The following MINK1 variants were observed in gnomAD, a reference collection of about 807,000 sequenced individuals.
MINK1 encodes the protein misshapen-like kinase 1.
Under a neutral mutation model 178.4 loss-of-function variants are expected in MINK1, and 46 were observed. The ratio of observed to expected loss-of-function variants is 0.26; its 90% confidence interval spans 0.20 to 0.33. The LOEUF (loss-of-function observed/expected upper bound fraction) is 0.33, where lower values mean the gene tolerates loss of function less well. Ranked by LOEUF, MINK1 falls within the 10% of genes least tolerant of loss-of-function variation. The probability of loss-of-function intolerance (pLI) is 1.00; values close to 1 mark genes in which losing one functional copy is unlikely to be tolerated. For missense variants in MINK1, 1,366 were observed against 1,814.9 expected (o/e 0.75, Z 4.49); for synonymous variants, 797 against 709.7 (o/e 1.12, Z -1.96).
intron 1 of MINK1, chr17:4,859,274 A>C: frequency 5.1e-6 from 5 of 985,396 alleles, no homozygotes; most frequent in Non-Finnish European, 6.0e-6. Flanking sequence ...GGAATGCTTA[A>C]TGGACCTTTC....
intron 12 of MINK1, among the ~76,000 whole-genome samples, chr17:4,888,690 CTTT>C (rs35392409): frequency 0.037 from 3,289 of 87,936 alleles, 155 homozygotes; most frequent in African/African-American, 0.13. Flanking sequence ...AAAGTCCTAT[CTTT>C]TTTTTTTTTT....
At position 4,894,266 on chromosome 17, in the gene MINK1, G is replaced by A; in HGVS notation, c.2763G>A (p.Glu921=). ...DVVQPSHSPT[E]NSKGQSPPSK... ...TCCAGCCCAGCCACTCACCCACCGA[G>A]AACAGCAAAGGCCAAAGCCCACCCT... Residue 921 remains glutamate, a synonymous_variant, in exon 23 of 32, where the codon GAG becomes GAA. Coordinates refer to ENST00000355280, the MANE Select transcript of MINK1 (RefSeq NM_153827.5). The surrounding 1 kb of genome is among the most constrained non-coding windows in gnomAD (Gnocchi z 4.1). 6.2e-7 allele frequency: 1 copy of A among 1,613,246 alleles called. No homozygotes were observed. The highest frequency in any genetic ancestry group is 8.5e-7 in the Non-Finnish European group (1 of 1,179,842).
At chr17:4,890,386 G>A in intron 13 of MINK1, 131 bp from the exon 14 acceptor site, 1 of 1,454,154 alleles carries the variant, frequency 6.9e-7, no homozygotes, top group African/African-American at 1.4e-5. Context: ...ACACTTCAAG[G>A]GAAGGGATTC....
Position 4,885,006 on chromosome 17 carries a change from C to T in MINK1, c.508+4C>T, listed in dbSNP as rs1198063843. On this transcript the variant is annotated splice_donor_region_variant and intron_variant, in intron 6 of 31. Transcript: ENST00000355280. This position sits in a 1 kb window ranked among gnomAD's most constrained non-coding sequence, Gnocchi z 5.0. ...GAGAATGCTGAGGTCAAGCTAGGTG[C>T]GCCGGCTCCTTCTGAGGCTGACGAG... The T allele has an allele frequency of 3.7e-6, 6 of 1,613,724 alleles. No homozygotes were observed. The highest frequency in any genetic ancestry group is 3.3e-5 in the Admixed American group (2 of 59,990).
At chr17:4,844,597 G>T in intron 1 of MINK1, 2 of 509,528 alleles carry the variant, frequency 3.9e-6, no homozygotes, top group South Asian at 1.4e-5. Flanking sequence ...CAGGTGGTGG[G>T]TTGGCACTGG....
Position 4,896,388 on chromosome 17 carries a change from G to A in MINK1, c.3616-41G>A. 3 of 1,608,930 alleles carry A rather than the reference G, an allele frequency of 1.9e-6. No individual in the cohort carries two copies. The highest frequency in any genetic ancestry group is 2.5e-6 in the Non-Finnish European group (3 of 1,176,852). ...GGGGGAGTGGGATGGCCCAGTCTGG[G>A]CACCAGACACGGAGACTCTAGTCCC... is the stretch of plus-strand genomic sequence containing the variant. On this transcript the variant is annotated intron_variant, in intron 29 of 31. Coordinates refer to ENST00000355280, the MANE Select transcript of MINK1 (RefSeq NM_153827.5). The surrounding 1 kb of genome is among the most constrained non-coding windows in gnomAD (Gnocchi z 4.6).
At position 4,891,008 on chromosome 17, in the gene MINK1, C is replaced by G. The variant is rs1429941371; in HGVS notation, c.1624C>G (p.Pro542Ala). ...QQNSPLAKSK[P>A]GSTGPEPPIP... is the part of the protein sequence containing the mutation. ...GAACTCTCCCTTGGCCAAGAGCAAG[C>G]CAGGCAGCACGGGGCCTGAGCCCCC... Residue 542 changes from proline (P) to alanine (A), a missense_variant, in exon 15 of 32, where the codon CCA (proline) becomes GCA (alanine). Coordinates refer to ENST00000355280, the MANE Select transcript of MINK1 (RefSeq NM_153827.5). 1 of 1,560,200 alleles carries G rather than the reference C, an allele frequency of 6.4e-7. No homozygotes were observed. The highest frequency in any genetic ancestry group is 1.2e-5 in the South Asian group (1 of 84,462).
At chr17:4,873,592 G>C (rs1377486247) in intron 1 of MINK1, among the ~76,000 whole-genome samples, 3 of 151,156 alleles carry the variant, frequency 2.0e-5, no homozygotes, top group Non-Finnish European at 4.4e-5. Flanking sequence ...AACACAGCAT[G>C]GTCTTCGCCA....
Position 4,885,882 on chromosome 17 carries a change from T to G in MINK1, c.640-29T>G. On this transcript the variant is annotated intron_variant, in intron 7 of 31. Transcript: ENST00000355280. The surrounding 1 kb of genome is among the most constrained non-coding windows in gnomAD (Gnocchi z 5.0). ...TTGCAGGGCAGAGTTGTCAGGAATA[T>G]TCACTTGTTCCTTCTTTCCCGTCTA... The G allele has an allele frequency of 6.2e-7, 1 of 1,611,860 alleles. No individual in the cohort carries two copies.
chr17:4,841,786 T>G (rs957586235), intron 1 of MINK1, among the ~76,000 whole-genome samples: 7 of 151,898 alleles, frequency 4.6e-5, no homozygotes, highest in Admixed American at 2.0e-4. Flanking sequence ...TCCTACTAGA[T>G]TCAATCCACA....
chr17:4,891,223 C>CACACCT, intron 15 of MINK1, 99 bp downstream of exon 15: 1 of 1,163,664 alleles, frequency 8.6e-7, no homozygotes, highest in South Asian at 1.6e-5. Flanking sequence ...CACACACACA[C>CACACCT]ACCTGCTCAG....
At position 4,893,073 on chromosome 17, in the gene MINK1, T is replaced by G. The variant is rs1969030865; in HGVS notation, c.2400+6T>G. 1 of 1,557,290 alleles carries G rather than the reference T, an allele frequency of 6.4e-7. No homozygotes were observed. The highest frequency in any genetic ancestry group is 8.7e-7 in the Non-Finnish European group (1 of 1,152,616). On this transcript the variant is annotated splice_donor_region_variant and intron_variant, in intron 20 of 31. Coordinates refer to ENST00000355280, the MANE Select transcript of MINK1 (RefSeq NM_153827.5). ...CACGGCCAGGCCGGCCCGCAGTGAG[T>G]CACCTGGTGGCAGGCATGGCCTGCC...
chr17:4,873,739 C>T (rs1966921166), intron 1 of MINK1, among the ~76,000 whole-genome samples: 1 of 151,780 alleles, frequency 6.6e-6, no homozygotes, highest in Non-Finnish European at 1.5e-5. Context: ...CTGCCTCAGC[C>T]TCCCAAGTAG....
chr17:4,856,639 G>A (rs1913198929), intron 1 of MINK1: 1 of 152,180 alleles, frequency 6.6e-6, no homozygotes, highest in Non-Finnish European at 1.5e-5. Flanking sequence ...AATATCTAAT[G>A]AAGAGAAAAT....
Position 4,880,300 on chromosome 17 carries a change from CT to C in MINK1, c.124-669del, listed in dbSNP as rs1301744231. On this transcript the variant is annotated intron_variant, in intron 2 of 31. Coordinates refer to ENST00000355280, the MANE Select transcript of MINK1 (RefSeq NM_153827.5). ...GAGGGGTACTTGCTTTTTTTCTTTT[CT>C]TTTTTTTTTTTTTTGAGACGGAGTC... Among the ~76,000 whole-genome samples the C allele has an allele frequency of 1.5e-3, 209 of 138,514 alleles. 1 individual carries two copies. Among genetic ancestry groups the C allele is most frequent in the Admixed American group, 4.2e-3 (59 of 13,912 alleles). The allele number at this position is 138,514 out of a possible 152,430, so 90.9% of individuals were successfully genotyped here.
At chr17:4,874,605 C>T (rs1422519733) in intron 1 of MINK1, among the ~76,000 whole-genome samples, 1 of 151,994 alleles carries the variant, frequency 6.6e-6, no homozygotes. Context: ...GACAGGGTGG[C>T]TGCGATACAG....
chr17:4,897,351 G>T lies in MINK1; in HGVS notation c.*64G>T, dbSNP rs970073867. On this transcript the variant is annotated 3_prime_UTR_variant, in exon 32 of 32. Coordinates refer to ENST00000355280, the MANE Select transcript of MINK1 (RefSeq NM_153827.5). Reference sequence around the variant, plus strand: ...CTCTCCCCCTGCAGCCAGGCTTCCCGGGCCGCCCCTCTTTCCCCTCCCTGG... The same window carrying T: ...CTCTCCCCCTGCAGCCAGGCTTCCCTGGCCGCCCCTCTTTCCCCTCCCTGG... The T allele has an allele frequency of 1.8e-5, 27 of 1,487,664 alleles. No individual in the cohort carries two copies. The highest frequency in any genetic ancestry group is 7.1e-5 in the Admixed American group (4 of 56,608). 92.2% of individuals were successfully genotyped at this position (1,487,664 alleles called of 1,614,324 possible).
intron 1 of MINK1, among the ~76,000 whole-genome samples, chr17:4,867,351 T>TA (rs562890475): frequency 1.9e-4 from 29 of 150,640 alleles, no homozygotes; most frequent in Admixed American, 9.3e-4. Context: ...AAAAATGCGT[T>TA]AAAAAAATAG....
intron 20 of MINK1, 164 bp from the exon 21 acceptor site, chr17:4,893,270 C>T (rs1266197061): frequency 2.5e-6 from 4 of 1,613,804 alleles, no homozygotes; most frequent in Admixed American, 1.7e-5. Flanking sequence ...CTTTCTTCCC[C>T]TGCGGCCCCT....
Sources: gnomAD v4.1 joint callset for allele counts (sites outside exome capture counted in the v4.1 genomes callset) on GRCh38, gnomAD v4.1.1 for gene constraint, Gnocchi (gnomAD v3.1) non-coding constraint, MANE v1.5 for transcripts, NCBI Gene and HGNC (gene_info 2026-07-23, HGNC 2026-07-21) for gene names.